Variants in CYREN observed in about 807,000 individuals in gnomAD.
CYREN encodes the protein cell cycle regulator of non-homologous end joining.
Under a neutral mutation model 9.7 loss-of-function variants are expected in CYREN, and 7 were observed. The observed-to-expected ratio is 0.72, with a 90% CI of 0.41 to 1.36. The LOEUF is 1.36. Ranked by LOEUF, CYREN falls within the 40% of genes most tolerant of loss-of-function variation. CYREN has a pLI of 0.01. For synonymous variants in CYREN, 76 were observed against 77.9 expected, an observed-to-expected ratio of 0.98 and a Z score of 0.13; for missense variants, 215 against 198.1, an observed-to-expected ratio of 1.09 and a Z score of -0.51.
At chr7:135,092,474 G>A (rs1821998633) in exon 3 of CYREN, 1 of 152,008 alleles carries the variant, frequency 6.6e-6, no homozygotes, top group Non-Finnish European at 1.5e-5. Context: ...TGTTGTTCAT[G>A]TTCTTTTAAA....
intron 2 of CYREN, among the ~76,000 whole-genome samples, chr7:135,153,291 T>C (rs1214952628): frequency 6.6e-6 from 1 of 151,672 alleles, no homozygotes; most frequent in Non-Finnish European, 1.5e-5. Context: ...CTGTCTCTAC[T>C]AAAAATACAA....
intron 2 of CYREN, among the ~76,000 whole-genome samples, chr7:135,105,182 G>A (rs1036184009): frequency 1.4e-4 from 21 of 145,058 alleles, no homozygotes; most frequent in Non-Finnish European, 2.8e-4. Context: ...AGATTCTCTT[G>A]CCTCAGCCTC....
intron 2 of CYREN, among the ~76,000 whole-genome samples, chr7:135,155,973 T>C (rs1006494240): frequency 1.3e-5 from 2 of 152,206 alleles, no homozygotes; most frequent in Non-Finnish European, 2.9e-5. Context: ...AGGACTTTAT[T>C]TCTCCTTTTA....
At chr7:135,152,852 G>GT (rs1262488480) in intron 2 of CYREN, 1 of 152,186 alleles carries the variant, frequency 6.6e-6, no homozygotes, top group Non-Finnish European at 1.5e-5. Flanking sequence ...ATTAAAACAT[G>GT]TAAGTTCCAT....
chr7:135,166,918 C>T, intron 3 of CYREN, 47 bp from the exon 4 acceptor site: 1 of 1,590,810 alleles, frequency 6.3e-7, no homozygotes. Context: ...GTTTTATTTC[C>T]CTAACATGCT....
At chr7:135,135,526 A>T in intron 2 of CYREN, 1 of 261,496 alleles carries the variant, frequency 3.8e-6, no homozygotes, top group Non-Finnish European at 7.1e-6. Context: ...AAAATCTCTG[A>T]AGTTTTGATT....
At chr7:135,102,418 A>AATAATATGG (rs1823977530) in intron 2 of CYREN, among the ~76,000 whole-genome samples, 1 of 152,184 alleles carries the variant, frequency 6.6e-6, no homozygotes, top group Admixed American at 6.5e-5. Flanking sequence ...TATCAAAGAT[A>AATAATATGG]ATAATATGGA....
chr7:135,130,993 T>G (rs1828679150), intron 2 of CYREN, among the ~76,000 whole-genome samples: 2 of 152,192 alleles, frequency 1.3e-5, no homozygotes, highest in Non-Finnish European at 2.9e-5. Flanking sequence ...TCCTACTTTG[T>G]CATTGAAAAT....
intron 2 of CYREN, among the ~76,000 whole-genome samples, chr7:135,150,301 C>T (rs939075691): frequency 6.6e-6 from 1 of 152,216 alleles, no homozygotes; most frequent in Non-Finnish European, 1.5e-5. Flanking sequence ...ATCTAGTCAT[C>T]ACTTCCTCCT....
At chr7:135,142,510 C>T (rs1364587824) in intron 2 of CYREN, among the ~76,000 whole-genome samples, 1 of 152,146 alleles carries the variant, frequency 6.6e-6, no homozygotes, top group Non-Finnish European at 1.5e-5. Flanking sequence ...CCTCTAATTC[C>T]TGTGTAGCTC....
At chr7:135,143,818 C>T (rs1305575411) in intron 2 of CYREN, among the ~76,000 whole-genome samples, 1 of 152,122 alleles carries the variant, frequency 6.6e-6, no homozygotes, top group Non-Finnish European at 1.5e-5. Context: ...GGACATACAT[C>T]AAATAAAGAC....
At chr7:135,125,045 AAGATT>A (rs1371973705) in intron 2 of CYREN, among the ~76,000 whole-genome samples, 1 of 152,166 alleles carries the variant, frequency 6.6e-6, no homozygotes, top group Non-Finnish European at 1.5e-5. Flanking sequence ...AGAAATAACT[AAGATT>A]AGAGCAGAAT....
exon 3 of CYREN, chr7:135,092,729 G>C (rs1281586005): frequency 6.6e-6 from 1 of 151,956 alleles, no homozygotes; most frequent in Admixed American, 6.6e-5. Flanking sequence ...CAAATAAATT[G>C]AACTTTTTTT....
intron 2 of CYREN, among the ~76,000 whole-genome samples, chr7:135,112,380 T>C (rs1316384408): frequency 2.6e-5 from 4 of 152,192 alleles, no homozygotes; most frequent in Admixed American, 6.5e-5. Flanking sequence ...ATTATTCCCA[T>C]CTCAGAGGAT....
At chr7:135,098,611 G>A (rs554096733) in intron 2 of CYREN, among the ~76,000 whole-genome samples, 1 of 152,256 alleles carries the variant, frequency 6.6e-6, no homozygotes, top group East Asian at 1.9e-4. Flanking sequence ...ATGATACCAG[G>A]AGCAGTGTAA....
At chr7:135,128,646 C>T (rs1828296020) in intron 2 of CYREN, 1 of 931,844 alleles carries the variant, frequency 1.1e-6, no homozygotes, top group Non-Finnish European at 1.8e-6. Context: ...TGCCTGGATG[C>T]AATTTCTTAA....
In CYREN at chr7:135,122,759, T is replaced by C. The variant is rs541378602; in HGVS notation, n.357-28177A>G. ...AGGAGTGAACCAGATGACGAGGGCC[T>C]GAAGTGAAACCCCAGCAAACAGCAG... is the stretch of plus-strand genomic sequence containing the variant. On this transcript the variant is annotated intron_variant and non_coding_transcript_variant, in intron 2 of 2. Coordinates refer to the CYREN transcript ENST00000459937. Among the ~76,000 whole-genome samples the C allele has an allele frequency of 2.0e-5, 3 of 152,180 alleles. No homozygotes were observed. The East Asian group carries it at 5.8e-4, about 29-fold the overall frequency.
intron 2 of CYREN, among the ~76,000 whole-genome samples, chr7:135,103,730 CAG>C: frequency 6.6e-6 from 1 of 152,252 alleles, no homozygotes; most frequent in Admixed American, 6.5e-5. Flanking sequence ...TATAAATAAG[CAG>C]AGTCAGGCAG....
intron 2 of CYREN, among the ~76,000 whole-genome samples, chr7:135,152,088 T>A (rs10274875): frequency 0.49 from 73,802 of 152,092 alleles, 18,268 homozygotes; most frequent in South Asian, 0.66. Context: ...CTAAATGCCA[T>A]GCACAAATTA....
Sources: gnomAD v4.1 joint callset for allele counts (sites outside exome capture counted in the v4.1 genomes callset) on GRCh38, gnomAD v4.1.1 for gene constraint, MANE v1.5 for transcripts, NCBI Gene and HGNC (gene_info 2026-07-23, HGNC 2026-07-21) for gene names.